Variants in ST8SIA1 observed in about 807,000 individuals in gnomAD.
The protein encoded by ST8SIA1 is alpha-N-acetylneuraminide alpha-2,8-sialyltransferase.
Under a neutral mutation model 35.9 loss-of-function variants are expected in ST8SIA1, and 16 were observed. That is an observed-to-expected ratio of 0.45 (90% CI 0.30 to 0.68). The LOEUF is 0.68. Among genes scored for constraint, ST8SIA1 ranks in the 30% least tolerant of loss-of-function variants. The pLI is 0.09. For synonymous variants in ST8SIA1, 170 were observed against 169.6 expected, an observed-to-expected ratio of 1.00 and a Z score of -0.02; for missense variants, 383 against 453.6, an observed-to-expected ratio of 0.84 and a Z score of 1.41.
intron 1 of ST8SIA1, among the ~76,000 whole-genome samples, chr12:22,316,635 G>A (rs1402410521): frequency 6.6e-6 from 1 of 152,124 alleles, no homozygotes; most frequent in African/African-American, 2.4e-5. Flanking sequence ...TTTTAAAGTC[G>A]TTATGGAAAA....
At chr12:22,252,821 CT>C (rs1249050424) in intron 3 of ST8SIA1, among the ~76,000 whole-genome samples, 2 of 152,204 alleles carry the variant, frequency 1.3e-5, no homozygotes, top group Non-Finnish European at 2.9e-5. Flanking sequence ...AAACGTCCAT[CT>C]TCACAAATGG....
intron 4 of ST8SIA1, among the ~76,000 whole-genome samples, chr12:22,235,081 GTC>G (rs1378589150): frequency 6.6e-6 from 1 of 152,126 alleles, no homozygotes; most frequent in Non-Finnish European, 1.5e-5. Context: ...GGGTGTGTGT[GTC>G]CAAAGAGATT....
chr12:22,334,233 C>CGCAG lies in ST8SIA1; in HGVS notation c.-5_-2dup. ...GCCGGGCCCGCCCGCAGGGGCTCAT[C>CGCAG]GCAGCCCCGGCGTCCCAGGGGCGGG... On this transcript the variant is annotated 5_prime_UTR_variant, in exon 1 of 5. Coordinates refer to ENST00000396037, the MANE Select transcript of ST8SIA1 (RefSeq NM_003034.4). 2 of 1,609,380 alleles carry CGCAG rather than the reference C, an allele frequency of 1.2e-6. No homozygotes were observed. The highest frequency in any genetic ancestry group is 1.7e-6 in the Non-Finnish European group (2 of 1,177,906).
At chr12:22,250,520 C>G (rs1865656877) in intron 3 of ST8SIA1, among the ~76,000 whole-genome samples, 1 of 152,190 alleles carries the variant, frequency 6.6e-6, no homozygotes, top group South Asian at 2.1e-4. Flanking sequence ...AACCATATGT[C>G]TAACTTGATT....
At chr12:22,208,618 T>C (rs1004546576) in intron 4 of ST8SIA1, among the ~76,000 whole-genome samples, 1 of 152,118 alleles carries the variant, frequency 6.6e-6, no homozygotes, top group Non-Finnish European at 1.5e-5. Flanking sequence ...AAAGTAAAAT[T>C]TGATAAGGTA....
chr12:22,303,846 C>CCACACACACACACACACACA (rs61596419), intron 1 of ST8SIA1, among the ~76,000 whole-genome samples: 4 of 140,706 alleles, frequency 2.8e-5, no homozygotes, highest in Non-Finnish European at 6.1e-5. Context: ...CACCACCCTG[C>CCACACACACACACACACACA]CACACACACA....
Position 22,331,550 on chromosome 12 carries a change from G to A in ST8SIA1, c.236+2447C>T, listed in dbSNP as rs1860999854. ...TATGCAGAAGATGTTTCAGACTGGA[G>A]AAAAACAGATGCTTGTTTGTCAAAG... On this transcript the variant is annotated intron_variant, in intron 1 of 4. Coordinates refer to ENST00000396037, the MANE Select transcript of ST8SIA1 (RefSeq NM_003034.4). Among the ~76,000 whole-genome samples, 4 of 152,192 alleles carry A rather than the reference G, an allele frequency of 2.6e-5. No individual in the cohort carries two copies. The South Asian group carries it at 8.3e-4, about 32-fold the overall frequency.
intron 2 of ST8SIA1, chr12:22,268,528 G>A (rs1221405193): frequency 6.6e-6 from 1 of 152,240 alleles, no homozygotes; most frequent in East Asian, 1.9e-4. Context: ...GCATGGCGGG[G>A]GAGGCCTCAG....
intron 4 of ST8SIA1, among the ~76,000 whole-genome samples, chr12:22,240,530 G>GA (rs919966160): frequency 3.3e-4 from 47 of 143,020 alleles, no homozygotes; most frequent in Admixed American, 9.8e-4. Flanking sequence ...GAGTTTGGAG[G>GA]AAAAAAAAAA....
intron 4 of ST8SIA1, among the ~76,000 whole-genome samples, chr12:22,233,023 C>G (rs2120701276): frequency 6.6e-6 from 1 of 151,998 alleles, no homozygotes; most frequent in East Asian, 1.9e-4. Flanking sequence ...GGCAATAACT[C>G]AAGAAAAATA....
At chr12:22,279,830 C>G (rs192155651) in intron 2 of ST8SIA1, among the ~76,000 whole-genome samples, 7 of 152,272 alleles carry the variant, frequency 4.6e-5, no homozygotes, top group Non-Finnish European at 8.8e-5. Flanking sequence ...GCTTCAGGGT[C>G]GGTCTCTTCA....
chr12:22,265,202 T>A (rs1338496861), intron 2 of ST8SIA1, among the ~76,000 whole-genome samples: 1 of 152,182 alleles, frequency 6.6e-6, no homozygotes, highest in Non-Finnish European at 1.5e-5. Flanking sequence ...ATTTTAAAAG[T>A]CCTCAAAACT....
At chr12:22,236,414 G>A (rs1027582510) in intron 4 of ST8SIA1, among the ~76,000 whole-genome samples, 4 of 152,198 alleles carry the variant, frequency 2.6e-5, no homozygotes, top group Non-Finnish European at 5.9e-5. Flanking sequence ...TCTATTAGCT[G>A]ACAGAAACCC....
At chr12:22,219,775 T>G (rs561575499) in intron 4 of ST8SIA1, among the ~76,000 whole-genome samples, 1 of 152,216 alleles carries the variant, frequency 6.6e-6, no homozygotes, top group South Asian at 2.1e-4. Flanking sequence ...AATGACTACG[T>G]TAGGAGGCTG....
At chr12:22,275,972 C>T (rs1004431609) in intron 2 of ST8SIA1, among the ~76,000 whole-genome samples, 9 of 152,192 alleles carry the variant, frequency 5.9e-5, no homozygotes, top group African/African-American at 2.4e-5. Flanking sequence ...GGCAGTGCTC[C>T]GGGAACTGGG....
chr12:22,242,670 TAA>T (rs1210751133), intron 4 of ST8SIA1, among the ~76,000 whole-genome samples: 1 of 152,092 alleles, frequency 6.6e-6, no homozygotes, highest in African/African-American at 2.4e-5. Flanking sequence ...ACAAATAAAA[TAA>T]AGAGTATTTG....
chr12:22,222,524 T>C (rs1451212444), intron 4 of ST8SIA1, among the ~76,000 whole-genome samples: 1 of 152,116 alleles, frequency 6.6e-6, no homozygotes, highest in Non-Finnish European at 1.5e-5. Context: ...AAAGTATTCA[T>C]TCAAAATACC....
chr12:22,267,197 G>C (rs969534143), intron 2 of ST8SIA1, among the ~76,000 whole-genome samples: 1 of 152,154 alleles, frequency 6.6e-6, no homozygotes, highest in African/African-American at 2.4e-5. Context: ...CATCCATTTT[G>C]TTTTCAACTA....
chr12:22,227,302 C>T lies in ST8SIA1; in HGVS notation c.584+21704G>A, dbSNP rs568388200. Reference sequence around the variant, plus strand: ...TTACAAAATGTTTTGAGGCCAGGCGCGGTGGCTCACACCTGTAATCCCAGC... The same window carrying T: ...TTACAAAATGTTTTGAGGCCAGGCGTGGTGGCTCACACCTGTAATCCCAGC... On this transcript the variant is annotated intron_variant, in intron 4 of 4. Coordinates refer to ENST00000396037, the MANE Select transcript of ST8SIA1 (RefSeq NM_003034.4). Among the ~76,000 whole-genome samples the T allele has an allele frequency of 7.2e-5, 11 of 151,852 alleles. No individual in the cohort carries two copies. The South Asian group carries it at 2.1e-3, about 29-fold the overall frequency.
Sources: gnomAD v4.1 joint callset for allele counts (sites outside exome capture counted in the v4.1 genomes callset) on GRCh38, gnomAD v4.1.1 for gene constraint, MANE v1.5 for transcripts, NCBI Gene and HGNC (gene_info 2026-07-23, HGNC 2026-07-21) for gene names.